Variants in DNAH12 observed in about 807,000 individuals in gnomAD.
The protein encoded by DNAH12 is axonemal beta dynein heavy chain 12.
Under a neutral mutation model 371.5 loss-of-function variants are expected in DNAH12, and 285 were observed. That is an observed-to-expected ratio of 0.77 (90% CI 0.70 to 0.85). The LOEUF is 0.85. Among genes scored for constraint, DNAH12 ranks in the 40% least tolerant of loss-of-function variants. The pLI, the probability that DNAH12 is intolerant of heterozygous loss-of-function variation, is 0.00. For missense variants in DNAH12, 3,611 were observed against 3,689.4 expected (o/e 0.98, Z 0.55); for synonymous variants, 1,200 against 1,213.0 (o/e 0.99, Z 0.22).
At chr3:57,343,176 A>T (rs1247067114) in intron 60 of DNAH12, among the ~76,000 whole-genome samples, 1 of 152,180 alleles carries the variant, frequency 6.6e-6, no homozygotes, top group Non-Finnish European at 1.5e-5. Flanking sequence ...ACTAATAATT[A>T]GGGAAATTGT....
At chr3:57,304,648 T>C (rs936713761) in intron 69 of DNAH12, among the ~76,000 whole-genome samples, 2 of 152,190 alleles carry the variant, frequency 1.3e-5, no homozygotes, top group Non-Finnish European at 2.9e-5. Context: ...GACACCTGCC[T>C]GATTATTCAC....
At chr3:57,521,744 C>T (rs1473468721) in intron 4 of DNAH12, among the ~76,000 whole-genome samples, 2 of 149,680 alleles carry the variant, frequency 1.3e-5, no homozygotes, top group African/African-American at 4.9e-5. Flanking sequence ...AAAATTAGCT[C>T]GGCATGGTGG....
intron 11 of DNAH12, among the ~76,000 whole-genome samples, chr3:57,499,647 A>AAAATATATATATATATATAT: frequency 5.6e-5 from 1 of 17,944 alleles, no homozygotes; most frequent in Non-Finnish European, 1.2e-4. Context: ...AAAAAAAAAA[A>AAAATATATATATATATATAT]ATATATATAT....
intron 58 of DNAH12, 91 bp downstream of exon 58, chr3:57,363,503 C>A (rs2062983735): frequency 6.6e-6 from 1 of 151,966 alleles, no homozygotes; most frequent in Non-Finnish European, 1.5e-5. Flanking sequence ...ACACCAACAC[C>A]TTCCTTGGGG....
chr3:57,310,728 C>T lies in DNAH12; in HGVS notation c.10885G>A (p.Glu3629Lys). The T allele has an allele frequency of 6.5e-7, 1 of 1,549,216 alleles. No homozygotes were observed. Among genetic ancestry groups the T allele is most frequent in the South Asian group, 1.2e-5 (1 of 83,804 alleles). Reference sequence around the variant, plus strand: ...GGTGACATCATTACCTTAATGAATTCAATGTAGTCCTCATAAGTGCCTTTA... The same window carrying T: ...GGTGACATCATTACCTTAATGAATTTAATGTAGTCCTCATAAGTGCCTTTA... ...PPKGTYEDYI[E>K]FIKKLPFTQH... Residue 3629 changes from glutamate to lysine, a missense_variant, in exon 67 of 74, where the codon GAA (glutamate) becomes AAA (lysine). This residue lies in a region of DNAH12 where 2,266 missense variants were observed against 2,236.9 expected (regional missense o/e 1.01). Transcript: ENST00000495027.
At chr3:57,413,098 C>G (rs1428177729) in intron 39 of DNAH12, among the ~76,000 whole-genome samples, 6 of 152,096 alleles carry the variant, frequency 3.9e-5, no homozygotes, top group South Asian at 2.1e-4. Context: ...CTGAATGTTA[C>G]TCAGTGCTAA....
intron 45 of DNAH12, among the ~76,000 whole-genome samples, chr3:57,389,143 C>T (rs1416352758): frequency 6.6e-6 from 1 of 151,902 alleles, no homozygotes; most frequent in African/African-American, 2.4e-5. Context: ...TAGTGTTTGT[C>T]ACCAGTTCAT....
intron 66 of DNAH12, among the ~76,000 whole-genome samples, chr3:57,313,802 A>G (rs1314912894): frequency 2.6e-5 from 4 of 152,158 alleles, no homozygotes; most frequent in African/African-American, 9.7e-5. Context: ...GCGAGACCCC[A>G]TCTCAAAAAA....
In DNAH12 at chr3:57,403,317, CCT is replaced by C; in HGVS notation, c.6938_6939del (p.Glu2313GlyfsTer26). The stretch of plus-strand genomic sequence containing the variant: ...CTTCTTCATAATTTTACCTTCATAT[CCT>C]CTCTCCATTCATTCATACCATAGCT... Reference protein sequence around the residue: ...SKSYGMNEWREDMKGLLRNVG... With the variant: ...SKSYGMNEWRXDMKGLLRNVG... On this transcript the variant is annotated frameshift_variant, in exon 43 of 74. Transcript: ENST00000495027. LOFTEE classifies it high-confidence loss of function. The C allele has an allele frequency of 6.5e-7, 1 of 1,542,826 alleles. No individual in the cohort carries two copies.
Position 57,459,580 on chromosome 3 carries a change from C to T in DNAH12, c.2931+12G>A. The T allele has an allele frequency of 7.0e-7, 1 of 1,424,542 alleles. No homozygotes were observed. Among genetic ancestry groups the T allele is most frequent in the Non-Finnish European group, 9.3e-7 (1 of 1,071,388 alleles). The allele number at this position is 1,424,542 out of a possible 1,614,324, so 88.2% of individuals were successfully genotyped here. Reference sequence around the variant, plus strand: ...GGTTCACCTACTGTGAGAGAGAAAACAAACACTTCACCTTTGGATCTTTAG... The same window carrying T: ...GGTTCACCTACTGTGAGAGAGAAAATAAACACTTCACCTTTGGATCTTTAG... On this transcript the variant is annotated intron_variant, in intron 20 of 73. Transcript: ENST00000495027.
rs2064577329 is a variant in DNAH12 at position 57,421,479 on chromosome 3, T to C, written c.5562+39A>G. 3.2e-6 allele frequency: 5 copies of C among 1,544,656 alleles called. No homozygotes were observed. The African/African-American group carries it at 5.5e-5, about 17-fold the overall frequency. On this transcript the variant is annotated intron_variant, in intron 36 of 73. Coordinates refer to ENST00000495027, the MANE Select transcript of DNAH12 (RefSeq NM_001366028.2). Reference sequence around the variant, plus strand: ...AGCTTTGTCTGCTGGCCTAAGCCTTTGTGTTTTATCTTACCATAACAAGCT... The same window carrying C: ...AGCTTTGTCTGCTGGCCTAAGCCTTCGTGTTTTATCTTACCATAACAAGCT...
intron 60 of DNAH12, among the ~76,000 whole-genome samples, chr3:57,341,037 C>A (rs532732582): frequency 8.5e-5 from 13 of 152,092 alleles, no homozygotes; most frequent in African/African-American, 3.1e-4. Flanking sequence ...AAAAACAACA[C>A]GATCATCTCA....
At chr3:57,307,040 T>C (rs896264967) in intron 69 of DNAH12, among the ~76,000 whole-genome samples, 1 of 152,190 alleles carries the variant, frequency 6.6e-6, no homozygotes, top group African/African-American at 2.4e-5. Context: ...TGGGCTGTAC[T>C]GCCACAAGGC....
chr3:57,474,981 A>G (rs914661442), intron 13 of DNAH12, among the ~76,000 whole-genome samples: 4 of 152,076 alleles, frequency 2.6e-5, no homozygotes, highest in Non-Finnish European at 4.4e-5. Context: ...TCTCAAAAAA[A>G]AAAAGGCCAA....
At chr3:57,319,815 C>A (rs2061765639) in intron 65 of DNAH12, among the ~76,000 whole-genome samples, 1 of 151,656 alleles carries the variant, frequency 6.6e-6, no homozygotes, top group African/African-American at 2.4e-5. Flanking sequence ...GAACTCCTGA[C>A]CTCAAGTGAT....
At chr3:57,503,262 TCAAA>T (rs977869898) in intron 9 of DNAH12, among the ~76,000 whole-genome samples, 3 of 152,130 alleles carry the variant, frequency 2.0e-5, no homozygotes, top group Admixed American at 6.5e-5. Flanking sequence ...AGACCCTGTC[TCAAA>T]CAAAACAAAA....
At chr3:57,448,199 G>A (rs368692844) in intron 25 of DNAH12, among the ~76,000 whole-genome samples, 1 of 152,162 alleles carries the variant, frequency 6.6e-6, no homozygotes, top group Admixed American at 6.6e-5. Context: ...CAGCTCTTAA[G>A]GTGGCGCATC....
intron 25 of DNAH12, among the ~76,000 whole-genome samples, chr3:57,446,970 C>G (rs2065523692): frequency 6.6e-6 from 1 of 152,084 alleles, no homozygotes; most frequent in South Asian, 2.1e-4. Context: ...AAAATTAGTT[C>G]AGGAAGGTTT....
At chr3:57,391,380 T>G (rs1240751738) in intron 45 of DNAH12, among the ~76,000 whole-genome samples, 1 of 152,170 alleles carries the variant, frequency 6.6e-6, no homozygotes, top group Non-Finnish European at 1.5e-5. Flanking sequence ...CTGAATTGGC[T>G]CTTTCTGGAT....
Sources: allele counts gnomAD v4.1 joint callset (sites outside exome capture counted in the v4.1 genomes callset), GRCh38; gene constraint gnomAD v4.1.1; regional missense constraint gnomAD v4.1.1; transcripts MANE v1.5; gene names NCBI Gene and HGNC (gene_info 2026-07-23, HGNC 2026-07-21).